MAN2A1: variants seen among roughly 807,000 people sequenced by gnomAD.
The protein encoded by MAN2A1 is mannosidase alpha class 2A member 1, also known as alpha-mannosidase 2.
In MAN2A1, 76 loss-of-function variants were observed where a neutral mutation model predicts 142.6. The ratio of observed to expected loss-of-function variants is 0.53; its 90% CI spans 0.44 to 0.65. The LOEUF (loss-of-function observed/expected upper bound fraction) is 0.65, where lower values mean the gene tolerates loss of function less well. Among genes scored for constraint, MAN2A1 ranks in the 30% least tolerant of loss-of-function variants. The probability of loss-of-function intolerance (pLI) is 0.00; values close to 1 mark genes in which losing one functional copy is unlikely to be tolerated. For missense variants in MAN2A1, 1,311 were observed against 1,365.1 expected (o/e 0.96, Z 0.62); for synonymous variants, 559 against 473.2 (o/e 1.18, Z -2.35).
rs2269202 is a variant in MAN2A1, at chr5:109,717,146, C to T, written c.535+882C>T. 0.038 allele frequency among the ~76,000 whole-genome samples: 5,769 copies of T among 151,802 alleles called. 585 individuals carry two copies. The East Asian group carries it at 0.4, about 11-fold the overall frequency. On this transcript the variant is annotated intron_variant, in intron 3 of 21. Coordinates refer to ENST00000261483, the MANE Select transcript of MAN2A1 (RefSeq NM_002372.4). ...GAGTGTGTTACTTTTCTTAATATCTCGATTTCATGATTACTGTCAGAAGCA... is the reference window on the plus strand; with the variant it reads ...GAGTGTGTTACTTTTCTTAATATCTTGATTTCATGATTACTGTCAGAAGCA...
At chr5:109,815,030 C>T (rs11747338) in intron 12 of MAN2A1, among the ~76,000 whole-genome samples, 57,867 of 151,894 alleles carry the variant, frequency 0.38, 12,065 homozygotes, top group African/African-American at 0.56. Context: ...CTGTAAGCCT[C>T]TGGGAACATG....
intron 1 of MAN2A1, among the ~76,000 whole-genome samples, chr5:109,690,819 C>T (rs775313379): frequency 5.9e-5 from 9 of 152,164 alleles, no homozygotes; most frequent in Non-Finnish European, 1.2e-4. Flanking sequence ...GGCATTCGCA[C>T]CCGGCCTGTT....
intron 8 of MAN2A1, among the ~76,000 whole-genome samples, chr5:109,775,220 C>T (rs540755183): frequency 5.6e-4 from 86 of 152,222 alleles, no homozygotes; most frequent in African/African-American, 1.9e-3. Context: ...TATGTACCTA[C>T]CAAGTTGTGA....
intron 7 of MAN2A1, 27 bp from the exon 8 acceptor site, chr5:109,774,761 G>C: frequency 8.9e-6 from 14 of 1,573,360 alleles, no homozygotes; most frequent in Non-Finnish European, 1.2e-5. Flanking sequence ...CATATTTGCT[G>C]TTTTTTTGTG....
intron 7 of MAN2A1, among the ~76,000 whole-genome samples, chr5:109,773,224 T>G (rs1753194584): frequency 6.6e-6 from 1 of 152,208 alleles, no homozygotes; most frequent in Non-Finnish European, 1.5e-5. Context: ...GCTGGTTACT[T>G]GGCTTTCCCA....
rs1752660499 is a variant in MAN2A1, at chr5:109,755,332, A to G, written c.711A>G (p.Leu237=). Residue 237 remains leucine, a synonymous_variant, in exon 5 of 22, where the codon TTA becomes TTG. Coordinates refer to ENST00000261483, the MANE Select transcript of MAN2A1 (RefSeq NM_002372.4). ...DIQKKDAVKS[L]IENGQLEIVT... ...ACTCTTGTTATTTTCTCTCTAGTTT[A>G]ATAGAAAATGGTCAGCTTGAAATTG... 1.2e-6 allele frequency: 2 copies of G among 1,609,474 alleles called. No individual in the cohort carries two copies. Among genetic ancestry groups the G allele is most frequent in the Non-Finnish European group, 1.7e-6 (2 of 1,176,370 alleles).
chr5:109,853,215 A>G (rs1755527274), intron 19 of MAN2A1, among the ~76,000 whole-genome samples: 1 of 152,120 alleles, frequency 6.6e-6, no homozygotes, highest in Admixed American at 6.6e-5. Context: ...TTTTCTCTAT[A>G]AGATTGGATG....
intron 4 of MAN2A1, among the ~76,000 whole-genome samples, chr5:109,753,905 T>C (rs571348160): frequency 1.3e-4 from 20 of 151,802 alleles, no homozygotes; most frequent in African/African-American, 4.8e-4. Context: ...TTTTTTTCTT[T>C]TTTCTTTTTC....
At chr5:109,759,962 T>TATATATAG (rs1554076304) in intron 5 of MAN2A1, among the ~76,000 whole-genome samples, 2 of 49,486 alleles carry the variant, frequency 4.0e-5, no homozygotes, top group Non-Finnish European at 3.8e-5. Flanking sequence ...TATATATATA[T>TATATATAG]ATAGATAGAT....
intron 4 of MAN2A1, among the ~76,000 whole-genome samples, chr5:109,749,159 A>G (rs1752483064): frequency 6.6e-6 from 1 of 152,148 alleles, no homozygotes; most frequent in Non-Finnish European, 1.5e-5. Flanking sequence ...AGCTTGCTAA[A>G]TGATGCATTG....
At chr5:109,838,942 A>G (rs187975167) in intron 16 of MAN2A1, among the ~76,000 whole-genome samples, 1 of 152,314 alleles carries the variant, frequency 6.6e-6, no homozygotes, top group East Asian at 1.9e-4. Flanking sequence ...TCCTTGAAGC[A>G]TGTTCTTTTA....
At chr5:109,755,477 T>C (rs975831695) in intron 5 of MAN2A1, 21 bp downstream of exon 5, 13 of 1,591,144 alleles carry the variant, frequency 8.2e-6, no homozygotes, top group African/African-American at 1.4e-5. Context: ...GTATATTCTT[T>C]ATTTGGGCTA....
intron 4 of MAN2A1, among the ~76,000 whole-genome samples, chr5:109,730,507 G>A (rs1246721653): frequency 1.3e-5 from 2 of 151,562 alleles, no homozygotes; most frequent in African/African-American, 2.4e-5. Context: ...AATAAATAGT[G>A]CTTTTTTTCT....
chr5:109,845,500 A>G (rs1755322939), intron 17 of MAN2A1, among the ~76,000 whole-genome samples: 1 of 152,200 alleles, frequency 6.6e-6, no homozygotes, highest in Non-Finnish European at 1.5e-5. Flanking sequence ...CTTAGCATTC[A>G]TTACAAAAGC....
intron 1 of MAN2A1, among the ~76,000 whole-genome samples, chr5:109,692,910 C>T (rs1750713072): frequency 6.6e-6 from 1 of 152,114 alleles, no homozygotes; most frequent in African/African-American, 2.4e-5. Context: ...CTGGCATGCG[C>T]AGTTCACAAT....
chr5:109,746,613 G>A (rs1470639491), intron 4 of MAN2A1, among the ~76,000 whole-genome samples: 1 of 92,456 alleles, frequency 1.1e-5, no homozygotes, highest in African/African-American at 4.2e-5. Flanking sequence ...TTTTTAAATT[G>A]TAAATAAGCA....
At chr5:109,799,528 G>T (rs1203335425) in intron 12 of MAN2A1, among the ~76,000 whole-genome samples, 2 of 152,180 alleles carry the variant, frequency 1.3e-5, no homozygotes, top group African/African-American at 4.8e-5. Flanking sequence ...GCCAAGGCGG[G>T]CAGATCACCT....
At chr5:109,778,179 C>T (rs1365205614) in intron 8 of MAN2A1, among the ~76,000 whole-genome samples, 3 of 151,672 alleles carry the variant, frequency 2.0e-5, no homozygotes, top group South Asian at 2.1e-4. Flanking sequence ...GCCATCTAAT[C>T]GATGAACGTG....
intron 12 of MAN2A1, among the ~76,000 whole-genome samples, chr5:109,809,799 C>G (rs750391158): frequency 3.3e-5 from 5 of 152,090 alleles, no homozygotes; most frequent in Non-Finnish European, 5.9e-5. Context: ...CTCAGCTATT[C>G]AGGTAATTAT....
Sources: allele counts gnomAD v4.1 joint callset (sites outside exome capture counted in the v4.1 genomes callset), GRCh38; gene constraint gnomAD v4.1.1; transcripts MANE v1.5; gene names NCBI Gene and HGNC (gene_info 2026-07-23, HGNC 2026-07-21).